The following REEP1 variants were observed in gnomAD, a reference collection of about 807,000 sequenced individuals.
REEP1 encodes the protein receptor accessory protein 1.
Under a neutral mutation model 40.3 loss-of-function variants are expected in REEP1, and 22 were observed. That is an observed-to-expected ratio of 0.55 (90% CI 0.39 to 0.78). REEP1 has a LOEUF of 0.78. Ranked by LOEUF, REEP1 falls within the 30% of genes least tolerant of loss-of-function variation. The pLI is 0.00. For synonymous variants in REEP1, 116 were observed against 139.2 expected (o/e 0.83, Z 1.17); for missense variants, 280 against 361.1 (o/e 0.78, Z 1.82).
intron 1 of REEP1, among the ~76,000 whole-genome samples, chr2:86,331,373 C>A (rs546368819): frequency 6.6e-6 from 1 of 152,246 alleles, no homozygotes; most frequent in Admixed American, 6.5e-5. Context: ...AGGCAGGATG[C>A]AGCATGCTAC....
intron 8 of REEP1, among the ~76,000 whole-genome samples, chr2:86,219,717 A>G (rs186420328): frequency 4.2e-4 from 64 of 152,256 alleles, no homozygotes; most frequent in Non-Finnish European, 6.6e-4. Context: ...AAGTGCTGGG[A>G]TTACAGGCAT....
chr2:86,268,522 G>C (rs1470926001), intron 2 of REEP1, among the ~76,000 whole-genome samples: 1 of 152,056 alleles, frequency 6.6e-6, no homozygotes, highest in African/African-American at 2.4e-5. Flanking sequence ...TCATATATAG[G>C]AGAACTCAAT....
chr2:86,287,071 T>C (rs1678434730), intron 1 of REEP1, among the ~76,000 whole-genome samples: 1 of 152,192 alleles, frequency 6.6e-6, no homozygotes, highest in African/African-American at 2.4e-5. Context: ...CAAATATATA[T>C]AAAACTGTAC....
At position 86,220,070 on chromosome 2, in the gene REEP1, T is replaced by G; in HGVS notation, c.683A>C (p.Gln228Pro). 1.6e-6 allele frequency: 2 copies of G among 1,232,214 alleles called. No homozygotes were observed. 76.3% of individuals were successfully genotyped at this position (1,232,214 alleles called of 1,614,324 possible). A position where few individuals can be genotyped will look rare whatever the true frequency, so the allele number is the denominator to read the frequency against. ...EGGMKAWEPHQVQNPLAFSDD... is the reference protein window; with the variant it reads ...EGGMKAWEPHPVQNPLAFSDD... ...AGAAAACGCCAATGGGTTTTGGACC[T>G]GGTGGGGCTCCCATGCCTTCATACC... is the stretch of plus-strand genomic sequence containing the variant. Residue 228 changes from glutamine (Q) to proline (P), a missense_variant, in exon 8 of 9, where the codon CAG becomes CCG. Transcript: ENST00000538924.
At chr2:86,258,996 A>C (rs1053557046) in intron 3 of REEP1, among the ~76,000 whole-genome samples, 3 of 152,206 alleles carry the variant, frequency 2.0e-5, no homozygotes, top group African/African-American at 7.2e-5. Context: ...AAAAGAAAAC[A>C]CAAGTAACTT....
At chr2:86,268,297 G>A (rs2104328552) in intron 2 of REEP1, among the ~76,000 whole-genome samples, 1 of 152,246 alleles carries the variant, frequency 6.6e-6, no homozygotes, top group South Asian at 2.1e-4. Context: ...ATTAGAGCAA[G>A]GTTGCAGGAT....
At chr2:86,328,356 C>T (rs905412922) in intron 1 of REEP1, among the ~76,000 whole-genome samples, 12 of 152,214 alleles carry the variant, frequency 7.9e-5, no homozygotes, top group Admixed American at 7.8e-4. Flanking sequence ...CTAAATTTTA[C>T]ACTGATCACA....
intron 3 of REEP1, among the ~76,000 whole-genome samples, chr2:86,262,516 G>C (rs1676922911): frequency 6.6e-6 from 1 of 152,226 alleles, no homozygotes; most frequent in African/African-American, 2.4e-5. Context: ...CTCAGTGGAG[G>C]TGAAAGCTAT....
chr2:86,335,263 G>A (rs572215154), intron 1 of REEP1, among the ~76,000 whole-genome samples: 2 of 152,166 alleles, frequency 1.3e-5, no homozygotes, highest in Middle Eastern at 3.4e-3. Flanking sequence ...CATGAAACAG[G>A]TATTGCTTAT....
intron 4 of REEP1, among the ~76,000 whole-genome samples, chr2:86,253,101 G>A (rs1676371792): frequency 6.6e-6 from 1 of 152,164 alleles, no homozygotes; most frequent in African/African-American, 2.4e-5. Flanking sequence ...GGCCAACATG[G>A]TAAAACCCCA....
rs931564595 is a variant in REEP1, at chr2:86,323,537, C to T, written c.32+13942G>A. 7.9e-5 allele frequency among the ~76,000 whole-genome samples: 12 copies of T among 152,198 alleles called. No individual in the cohort carries two copies. In the East Asian group the frequency reaches 2.1e-3, roughly 27 times the overall value. ...GGAGCACGAATCCTATTGTGAATTGCGCATGTGAGAGACTTAGGTTGCACA... is the reference window on the plus strand; with the variant it reads ...GGAGCACGAATCCTATTGTGAATTGTGCATGTGAGAGACTTAGGTTGCACA... On this transcript the variant is annotated intron_variant, in intron 1 of 8. Coordinates refer to ENST00000538924, the MANE Select transcript of REEP1 (RefSeq NM_001371279.1).
chr2:86,219,931 A>AG (rs1674328833), intron 8 of REEP1, 39 bp downstream of exon 8: 1 of 1,231,590 alleles, frequency 8.1e-7, no homozygotes, highest in Non-Finnish European at 1.0e-6. Flanking sequence ...TAGCCTTTGG[A>AG]CAAACACACT....
rs1362845696 is a variant in REEP1 at position 86,310,420 on chromosome 2, C to A, written c.32+27059G>T. ...AGGTTTGCAGCCTAGGAGCAATAGG[C>A]CATACCATGTAGCCTAGATGGGTAG... On this transcript the variant is annotated intron_variant, in intron 1 of 8. Transcript: ENST00000538924. 1.3e-5 allele frequency among the ~76,000 whole-genome samples: 2 copies of A among 152,134 alleles called. 1 individual carries two copies. The highest frequency in any genetic ancestry group is 3.9e-4 in the East Asian group (2 of 5,194).
intron 6 of REEP1, among the ~76,000 whole-genome samples, chr2:86,227,673 C>T (rs1468416052): frequency 1.3e-5 from 2 of 152,180 alleles, no homozygotes; most frequent in Non-Finnish European, 2.9e-5. Context: ...GTCAAAGTTC[C>T]CTCTGGAAAA....
At chr2:86,309,175 C>T (rs1237992851) in intron 1 of REEP1, among the ~76,000 whole-genome samples, 1 of 152,230 alleles carries the variant, frequency 6.6e-6, no homozygotes, top group Non-Finnish European at 1.5e-5. Flanking sequence ...CCTGTCACTC[C>T]CTGGGTGAGC....
chr2:86,331,445 G>A (rs967033280), intron 1 of REEP1, among the ~76,000 whole-genome samples: 1 of 152,106 alleles, frequency 6.6e-6, no homozygotes, highest in Non-Finnish European at 1.5e-5. Context: ...CCTACAAAGA[G>A]GGGGAAAGGA....
chr2:86,310,382 T>C (rs973343034), intron 1 of REEP1, among the ~76,000 whole-genome samples: 1 of 152,200 alleles, frequency 6.6e-6, no homozygotes, highest in Non-Finnish European at 1.5e-5. Flanking sequence ...TTCAGTATAG[T>C]AGCATGCTGT....
At chr2:86,336,482 C>T (rs954152639) in intron 1 of REEP1, among the ~76,000 whole-genome samples, 3 of 152,162 alleles carry the variant, frequency 2.0e-5, no homozygotes, top group African/African-American at 7.2e-5. Context: ...TGCCTGCCAC[C>T]CTCCTCCCCG....
intron 1 of REEP1, among the ~76,000 whole-genome samples, chr2:86,291,517 G>T (rs1015354426): frequency 1.3e-5 from 2 of 151,994 alleles, no homozygotes; most frequent in African/African-American, 4.8e-5. Context: ...CTGCAGATTT[G>T]AGAGAGTGAA....
Sources: gnomAD v4.1 joint callset for allele counts (sites outside exome capture counted in the v4.1 genomes callset) on GRCh38, gnomAD v4.1.1 for gene constraint, MANE v1.5 for transcripts, NCBI Gene and HGNC (gene_info 2026-07-23, HGNC 2026-07-21) for gene names.